The following GRM8 variants were observed in gnomAD, a reference collection of about 807,000 sequenced individuals.
The protein encoded by GRM8 is glutamate metabotropic receptor 8.
In GRM8, 47 loss-of-function variants were observed where a neutral mutation model predicts 87.2. The ratio of observed to expected loss-of-function variants is 0.54; its 90% confidence interval spans 0.43 to 0.69. GRM8 has a LOEUF of 0.69. Ranked by LOEUF, GRM8 falls within the 30% of genes least tolerant of loss-of-function variation. GRM8 has a pLI of 0.00. For synonymous variants in GRM8, 396 were observed against 404.5 expected, an observed-to-expected ratio of 0.98 and a Z score of 0.25; for missense variants, 1,019 against 1,139.2, an observed-to-expected ratio of 0.89 and a Z score of 1.52.
intron 6 of GRM8, among the ~76,000 whole-genome samples, chr7:126,847,008 C>T (rs2130668712): frequency 6.6e-6 from 1 of 152,246 alleles, no homozygotes; most frequent in East Asian, 1.9e-4. Context: ...AAAATTATCT[C>T]TACACAATTA....
chr7:127,001,476 C>T (rs1420886066), intron 3 of GRM8, among the ~76,000 whole-genome samples: 1 of 151,634 alleles, frequency 6.6e-6, no homozygotes, highest in Non-Finnish European at 1.5e-5. Flanking sequence ...TGAACAGACA[C>T]TTCATAAAAA....
At chr7:127,135,231 G>T (rs1042948294) in intron 2 of GRM8, among the ~76,000 whole-genome samples, 2 of 151,910 alleles carry the variant, frequency 1.3e-5, no homozygotes, top group African/African-American at 4.8e-5. Context: ...CCATTCAAAA[G>T]AAACTATTTT....
At chr7:126,683,778 T>C (rs753980825) in intron 7 of GRM8, among the ~76,000 whole-genome samples, 2 of 152,218 alleles carry the variant, frequency 1.3e-5, no homozygotes, top group East Asian at 1.9e-4. Flanking sequence ...GAAAGACTTA[T>C]GGTCTTTGGA....
chr7:126,621,082 C>CA (rs1800124390), intron 7 of GRM8, among the ~76,000 whole-genome samples: 1 of 152,084 alleles, frequency 6.6e-6, no homozygotes, highest in Admixed American at 6.5e-5. Flanking sequence ...TGTCATTGAC[C>CA]AAAATGCCAT....
chr7:126,688,648 T>C (rs1297507583), intron 7 of GRM8, among the ~76,000 whole-genome samples: 2 of 151,998 alleles, frequency 1.3e-5, no homozygotes, highest in African/African-American at 2.4e-5. Flanking sequence ...GCAAGTATTA[T>C]AGGAAATAGA....
chr7:127,171,413 T>A (rs1047871035), intron 2 of GRM8, among the ~76,000 whole-genome samples: 1 of 152,212 alleles, frequency 6.6e-6, no homozygotes, highest in Non-Finnish European at 1.5e-5. Flanking sequence ...GTGGATAAAA[T>A]GTTGTCAAAC....
rs182904591 is a variant in GRM8 at position 126,767,210 on chromosome 7, G to A, written c.1357+2655C>T. On this transcript the variant is annotated intron_variant, in intron 7 of 10. Transcript: ENST00000339582. ...ATTCTTCAGAGTATGGTACATCCCC[G>A]TATCATCAGGGCTCAAAAGAGTTAT... 1.1e-4 allele frequency among the ~76,000 whole-genome samples: 17 copies of A among 152,212 alleles called. No homozygotes were observed. The South Asian group carries it at 1.7e-3, about 15-fold the overall frequency.
At chr7:127,149,732 TAAAAA>T (rs1231675550) in intron 2 of GRM8, among the ~76,000 whole-genome samples, 2 of 151,924 alleles carry the variant, frequency 1.3e-5, no homozygotes, top group African/African-American at 2.4e-5. Flanking sequence ...TGTTCAGTCT[TAAAAA>T]GAACAAGATT....
At chr7:127,119,315 A>G (rs12706763) in intron 2 of GRM8, among the ~76,000 whole-genome samples, 37,326 of 151,912 alleles carry the variant, frequency 0.25, 5,448 homozygotes, top group Non-Finnish European at 0.34. Flanking sequence ...GTGAAACCCC[A>G]TCTCTACTAA....
chr7:126,782,345 C>A (rs748965436), intron 6 of GRM8, among the ~76,000 whole-genome samples: 6 of 152,114 alleles, frequency 3.9e-5, no homozygotes, highest in Non-Finnish European at 8.8e-5. Context: ...TGTGAAGAGG[C>A]ACAGCCAGGA....
At chr7:126,866,377 T>C (rs1798589235) in intron 6 of GRM8, among the ~76,000 whole-genome samples, 1 of 152,182 alleles carries the variant, frequency 6.6e-6, no homozygotes, top group Non-Finnish European at 1.5e-5. Context: ...GTTCTTTCAC[T>C]TTCTTGGTGG....
At chr7:126,873,812 C>CCCTTTAATGATT (rs1799306896) in intron 6 of GRM8, among the ~76,000 whole-genome samples, 1 of 152,006 alleles carries the variant, frequency 6.6e-6, no homozygotes, top group African/African-American at 2.4e-5. Flanking sequence ...CATCCATGAT[C>CCCTTTAATGATT]TCAAAAAGTA....
chr7:126,664,938 A>C (rs2151290459), intron 7 of GRM8, among the ~76,000 whole-genome samples: 1 of 152,250 alleles, frequency 6.6e-6, no homozygotes, highest in East Asian at 1.9e-4. Context: ...AAAACCAATA[A>C]CTCCACTAAA....
At chr7:126,977,505 C>T (rs1811116996) in intron 3 of GRM8, among the ~76,000 whole-genome samples, 1 of 152,164 alleles carries the variant, frequency 6.6e-6, no homozygotes, top group Non-Finnish European at 1.5e-5. Context: ...CATCAAATGC[C>T]CTTTCCTTCT....
chr7:126,954,694 A>C (rs1319672020), intron 3 of GRM8, among the ~76,000 whole-genome samples: 1 of 152,210 alleles, frequency 6.6e-6, no homozygotes, highest in East Asian at 1.9e-4. Flanking sequence ...TGAGATAATA[A>C]TAACAATAAC....
At chr7:126,710,874 T>A (rs1305039131) in intron 7 of GRM8, among the ~76,000 whole-genome samples, 1 of 152,204 alleles carries the variant, frequency 6.6e-6, no homozygotes, top group Non-Finnish European at 1.5e-5. Flanking sequence ...AGCTATAGCC[T>A]TATAAAATAC....
At chr7:127,199,309 C>T (rs1320921991) in intron 2 of GRM8, among the ~76,000 whole-genome samples, 2 of 152,202 alleles carry the variant, frequency 1.3e-5, no homozygotes, top group African/African-American at 4.8e-5. Flanking sequence ...AATGCACAGC[C>T]AATTGAATGC....
intron 6 of GRM8, among the ~76,000 whole-genome samples, chr7:126,851,460 A>G (rs1797203076): frequency 6.6e-6 from 1 of 152,116 alleles, no homozygotes; most frequent in Non-Finnish European, 1.5e-5. Flanking sequence ...TCCCATCTCA[A>G]AGTAAGAGAG....
chr7:126,559,445 T>G (rs1793473599), intron 8 of GRM8, among the ~76,000 whole-genome samples: 1 of 152,106 alleles, frequency 6.6e-6, no homozygotes, highest in Non-Finnish European at 1.5e-5. Flanking sequence ...AGTGCTGGGA[T>G]TACAGGCATA....
Sources: gnomAD v4.1 joint callset for allele counts (sites outside exome capture counted in the v4.1 genomes callset) on GRCh38, gnomAD v4.1.1 for gene constraint, MANE v1.5 for transcripts, NCBI Gene and HGNC (gene_info 2026-07-23, HGNC 2026-07-21) for gene names.